SHCBP1L: variants seen among roughly 807,000 people sequenced by gnomAD.
SHCBP1L encodes SHC binding and spindle associated 1 like.
SHCBP1L carries 67 observed loss-of-function variants against 62.5 expected under a neutral mutation model. That is an observed-to-expected ratio of 1.07 (90% CI 0.88 to 1.31). SHCBP1L has a LOEUF of 1.31. Among genes scored for constraint, SHCBP1L ranks in the 40% most tolerant of loss-of-function variants. The pLI is 0.00. For synonymous variants in SHCBP1L, 284 were observed against 289.4 expected (o/e 0.98, Z 0.19); for missense variants, 823 against 809.8 (o/e 1.02, Z -0.20).
At position 182,917,835 on chromosome 1, in the gene SHCBP1L, G is replaced by C. The variant is rs562219541; in HGVS notation, c.1182+11812C>G. On this transcript the variant is annotated intron_variant, in intron 6 of 9. Transcript: ENST00000367547. ...AATATGCTTACATTTTAGGGTACTG[G>C]GGTAAGGACTTCAATATATGAATTT... 3.3e-5 allele frequency among the ~76,000 whole-genome samples: 5 copies of C among 152,000 alleles called. No homozygotes were observed. The South Asian group carries it at 6.3e-4, about 19-fold the overall frequency.
At chr1:182,935,160 AGGTTTC>A (rs1651128042) in intron 5 of SHCBP1L, among the ~76,000 whole-genome samples, 6 of 152,108 alleles carry the variant, frequency 3.9e-5, no homozygotes, top group Non-Finnish European at 8.8e-5. Flanking sequence ...TGGCTATTCT[AGGTTTC>A]CTGCCTTTCC....
Position 182,952,946 on chromosome 1 carries a change from C to T in SHCBP1L, c.188G>A (p.Arg63Gln), listed in dbSNP as rs1467438689. Residue 63 changes from arginine (R) to glutamine (Q), a missense_variant, in exon 1 of 10, where the codon CGG (arginine) becomes CAG (glutamine). By Grantham distance (43) the Arg-to-Gln change is conservative. Transcript: ENST00000367547. ...CTGGAGCCGCAGCCTGGCCGTCTCC[C>T]GGCCCGCTTTCCCCTTCACCGGGCG... ...SPRPVKGKAG[R>Q]ETARLRLQRL... is the part of the protein sequence containing the mutation. 3.2e-6 allele frequency: 5 copies of T among 1,550,258 alleles called. No homozygotes were observed. Among genetic ancestry groups the T allele is most frequent in the Admixed American group, 1.9e-5 (1 of 51,790 alleles).
At chr1:182,928,049 G>A (rs1557998471) in intron 6 of SHCBP1L, among the ~76,000 whole-genome samples, 1 of 152,122 alleles carries the variant, frequency 6.6e-6, no homozygotes, top group Non-Finnish European at 1.5e-5. Context: ...AAAGATGTTA[G>A]TGGAATAATC....
intron 6 of SHCBP1L, among the ~76,000 whole-genome samples, chr1:182,912,996 G>A (rs1241637499): frequency 6.6e-6 from 1 of 151,758 alleles, no homozygotes; most frequent in Non-Finnish European, 1.5e-5. Context: ...TTAGCTGGGT[G>A]TGGTGGTGTG....
intron 3 of SHCBP1L, 85 bp from the exon 4 acceptor site, chr1:182,939,638 C>G (rs1460429683): frequency 1.0e-6 from 1 of 976,872 alleles, no homozygotes; most frequent in Non-Finnish European, 1.5e-6. Context: ...TGTCAGAATT[C>G]TCTACCTCAA....
At position 182,904,534 on chromosome 1, in the gene SHCBP1L, C is replaced by CGTGTGTGTGT. The variant is rs61031217; in HGVS notation, c.1337-114_1337-105dup. On this transcript the variant is annotated intron_variant, in intron 7 of 9. Transcript: ENST00000367547. Reference sequence around the variant, plus strand: ...TGTTACTAAAGTTTTTCCCTGTGTGCGTGTGTGTGTGTGTGTGTGTGTGTG... The same window carrying CGTGTGTGTGT: ...TGTTACTAAAGTTTTTCCCTGTGTGCGTGTGTGTGTGTGTGTGTGTGTGTGTGTGTGTGTG... 438 of 599,790 alleles carry CGTGTGTGTGT rather than the reference C, an allele frequency of 7.3e-4. 2 individuals are homozygous for CGTGTGTGTGT. Among genetic ancestry groups the CGTGTGTGTGT allele is most frequent in the East Asian group, 2.5e-3 (74 of 29,328 alleles). The allele number at this position is 599,790 out of a possible 1,614,324, so 37.2% of individuals were successfully genotyped here.
chr1:182,900,361 C>A, intron 9 of SHCBP1L, 127 bp from the exon 10 acceptor site: 1 of 729,518 alleles, frequency 1.4e-6, no homozygotes, highest in Non-Finnish European at 2.1e-6. Context: ...CCAAGACTCT[C>A]AATTTTGAAC....
At chr1:182,936,556 T>A (rs1651181870) in intron 5 of SHCBP1L, among the ~76,000 whole-genome samples, 1 of 152,212 alleles carries the variant, frequency 6.6e-6, no homozygotes. Context: ...CATATATTTT[T>A]AACTAATTTA....
chr1:182,944,957 C>CTTTTTTTTTTTT (rs11309339), intron 2 of SHCBP1L, among the ~76,000 whole-genome samples: 1 of 109,076 alleles, frequency 9.2e-6, no homozygotes, highest in African/African-American at 3.9e-5. Flanking sequence ...TTCTTTCTTT[C>CTTTTTTTTTTTT]TTTTTTTTTT....
Position 182,911,300 on chromosome 1 carries a change from C to A in SHCBP1L, c.1183-5651G>T, listed in dbSNP as rs1331731200. Among the ~76,000 whole-genome samples the A allele has an allele frequency of 2.0e-5, 3 of 152,132 alleles. No individual in the cohort carries two copies. In the East Asian group the frequency reaches 5.8e-4, roughly 29 times the overall value. ...AGTGCCACAAAGAAAAGGAATACAG[C>A]CTTTGCAAATTAGTTTAGAAAAGTC... On this transcript the variant is annotated intron_variant, in intron 6 of 9. Transcript: ENST00000367547.
intron 6 of SHCBP1L, among the ~76,000 whole-genome samples, chr1:182,912,412 G>A (rs1650217595): frequency 6.6e-6 from 1 of 152,190 alleles, no homozygotes. Context: ...TCAGAAAGCT[G>A]ACCTCATAAC....
chr1:182,942,062 G>A, intron 2 of SHCBP1L: 4 of 922,326 alleles, frequency 4.3e-6, no homozygotes, highest in Non-Finnish European at 7.1e-6. Context: ...GATTGTACAA[G>A]AAGGGAGACA....
chr1:182,910,982 C>T (rs1386013988), intron 6 of SHCBP1L, among the ~76,000 whole-genome samples: 3 of 152,130 alleles, frequency 2.0e-5, no homozygotes, highest in South Asian at 4.2e-4. Flanking sequence ...CTCTTCCTCC[C>T]GGGTTCAAGC....
chr1:182,939,495 T>C lies in SHCBP1L; in HGVS notation c.829A>G (p.Thr277Ala). Residue 277 changes from threonine (T) to alanine (A), a missense_variant, in exon 4 of 10, where the codon ACT becomes GCT. Physicochemically the swap from Thr to Ala is moderately conservative, Grantham distance 58. Transcript: ENST00000367547. ...WDDEESCENY[T>A]ALIEERINLW... Reference sequence around the variant, plus strand: ...TTAATTCTTTCTTCAATAAGTGCAGTATAATTCTCACAACTTTCTTCATCA... The same window carrying C: ...TTAATTCTTTCTTCAATAAGTGCAGCATAATTCTCACAACTTTCTTCATCA... 6.2e-7 allele frequency: 1 copy of C among 1,609,234 alleles called. No homozygotes were observed.
chr1:182,944,957 C>CTTTTTTTTTTTTTTTTTTTTTTTTTTTTT (rs11309339), intron 2 of SHCBP1L, among the ~76,000 whole-genome samples: 3 of 109,076 alleles, frequency 2.8e-5, no homozygotes, highest in African/African-American at 3.9e-5. Flanking sequence ...TTCTTTCTTT[C>CTTTTTTTTTTTTTTTTTTTTTTTTTTTTT]TTTTTTTTTT....
rs61031217 is a variant in SHCBP1L at position 182,904,534 on chromosome 1, C to CGTGTGT, written c.1337-110_1337-105dup. On this transcript the variant is annotated intron_variant, in intron 7 of 9. Coordinates refer to ENST00000367547, the MANE Select transcript of SHCBP1L (RefSeq NM_030933.4). ...TGTTACTAAAGTTTTTCCCTGTGTG[C>CGTGTGT]GTGTGTGTGTGTGTGTGTGTGTGTG... 3.9e-3 allele frequency: 2,319 copies of CGTGTGT among 599,670 alleles called. 14 individuals carry two copies. The highest frequency in any genetic ancestry group is 0.013 in the South Asian group (602 of 46,914). 37.1% of individuals were successfully genotyped at this position (599,670 alleles called of 1,614,324 possible). A position where few individuals can be genotyped will look rare whatever the true frequency, so the allele number is the denominator to read the frequency against.
chr1:182,933,584 A>G (rs931313663), intron 5 of SHCBP1L, among the ~76,000 whole-genome samples: 2 of 152,082 alleles, frequency 1.3e-5, no homozygotes, highest in African/African-American at 4.8e-5. Flanking sequence ...TTCTGTGTCT[A>G]TTGAGATGAC....
intron 2 of SHCBP1L, among the ~76,000 whole-genome samples, chr1:182,941,930 C>T (rs1186708729): frequency 1.3e-5 from 2 of 152,100 alleles, no homozygotes; most frequent in African/African-American, 4.8e-5. Flanking sequence ...GATTTCACCT[C>T]TTAAAAAAAA....
intron 5 of SHCBP1L, among the ~76,000 whole-genome samples, chr1:182,932,293 A>G (rs1047814244): frequency 3.3e-5 from 5 of 151,830 alleles, no homozygotes; most frequent in Admixed American, 2.0e-4. Flanking sequence ...TAAGTTTCCA[A>G]CTCATGTGGG....
Sources: gnomAD v4.1 joint callset for allele counts (sites outside exome capture counted in the v4.1 genomes callset) on GRCh38, gnomAD v4.1.1 for gene constraint, MANE v1.5 for transcripts, NCBI Gene and HGNC (gene_info 2026-07-23, HGNC 2026-07-21) for gene names.